SNX13: variants seen among roughly 807,000 people sequenced by gnomAD.
SNX13 encodes the protein sorting nexin-13.
Under a neutral mutation model 133.6 loss-of-function variants are expected in SNX13, and 45 were observed. That is an observed-to-expected ratio of 0.34 (90% CI 0.27 to 0.43). The LOEUF (loss-of-function observed/expected upper bound fraction) is 0.43, where lower values mean the gene tolerates loss of function less well. Among genes scored for constraint, SNX13 ranks in the 20% least tolerant of loss-of-function variants. The probability of loss-of-function intolerance (pLI) is 1.00; values close to 1 mark genes in which losing one functional copy is unlikely to be tolerated. For synonymous variants in SNX13, 414 were observed against 373.9 expected (o/e 1.11, Z -1.24); for missense variants, 1,032 against 1,145.1 (o/e 0.90, Z 1.43).
chr7:17,858,152 A>T lies in SNX13; in HGVS notation c.838-7188T>A, dbSNP rs1159079905. Among the ~76,000 whole-genome samples, 3 of 152,198 alleles carry T rather than the reference A, an allele frequency of 2.0e-5. No individual in the cohort carries two copies. The South Asian group carries it at 6.2e-4, about 31-fold the overall frequency. On this transcript the variant is annotated intron_variant, in intron 9 of 25. Transcript: ENST00000428135. The stretch of plus-strand genomic sequence containing the variant: ...ATGCCTACTCCTACAAATTTTATTC[A>T]GCCTAGTACTAGAAGTCCTACCCAG...
chr7:17,935,847 T>A (rs1583855602), intron 1 of SNX13, among the ~76,000 whole-genome samples: 1 of 152,228 alleles, frequency 6.6e-6, no homozygotes, highest in Admixed American at 6.5e-5. Flanking sequence ...GTGTCATTAA[T>A]AATTGAAGAA....
chr7:17,854,167 G>T (rs1321235120), intron 9 of SNX13, among the ~76,000 whole-genome samples: 2 of 152,058 alleles, frequency 1.3e-5, no homozygotes, highest in East Asian at 3.9e-4. Context: ...AATTTGCATA[G>T]CACTGTGGAG....
chr7:17,849,775 GC>G, intron 11 of SNX13, among the ~76,000 whole-genome samples: 1 of 152,152 alleles, frequency 6.6e-6, no homozygotes, highest in Non-Finnish European at 1.5e-5. Flanking sequence ...TACTTCAAAG[GC>G]AAACAAAAAT....
intron 5 of SNX13, chr7:17,882,754 T>C (rs926874139): frequency 8.8e-6 from 10 of 1,135,600 alleles, no homozygotes; most frequent in Non-Finnish European, 1.1e-5. Context: ...TCTTACTATT[T>C]TAGAACTGAA....
At chr7:17,904,206 A>G (rs1358636842) in intron 1 of SNX13, among the ~76,000 whole-genome samples, 2 of 152,240 alleles carry the variant, frequency 1.3e-5, no homozygotes, top group Admixed American at 1.3e-4. Context: ...AAAATACTTA[A>G]GAGTCAGAAA....
At chr7:17,833,246 T>C (rs1481774422) in intron 15 of SNX13, among the ~76,000 whole-genome samples, 1 of 151,666 alleles carries the variant, frequency 6.6e-6, no homozygotes, top group Non-Finnish European at 1.5e-5. Context: ...CTAAAGGCTA[T>C]CCCTCCCACT....
chr7:17,859,516 T>A (rs1792358722), intron 9 of SNX13, among the ~76,000 whole-genome samples: 1 of 152,188 alleles, frequency 6.6e-6, no homozygotes, highest in Non-Finnish European at 1.5e-5. Flanking sequence ...GTTCATTTCA[T>A]TCTTTTTTCT....
intron 24 of SNX13, among the ~76,000 whole-genome samples, chr7:17,798,289 A>G (rs71524224): frequency 1.5e-4 from 23 of 151,896 alleles, no homozygotes; most frequent in Non-Finnish European, 2.9e-4. Context: ...AAAAATTACA[A>G]CATAGCCAGA....
At chr7:17,914,077 A>C (rs1799292406) in intron 1 of SNX13, among the ~76,000 whole-genome samples, 2 of 151,884 alleles carry the variant, frequency 1.3e-5, no homozygotes, top group South Asian at 4.2e-4. Context: ...GGAATTGAAA[A>C]ATTTCAAAAT....
In SNX13 at chr7:17,828,280, A is replaced by T. The variant is rs925931857; in HGVS notation, c.1635+1730T>A. 7.9e-5 allele frequency among the ~76,000 whole-genome samples: 12 copies of T among 151,940 alleles called. No individual in the cohort carries two copies. The East Asian group carries it at 1.7e-3, about 22-fold the overall frequency. On this transcript the variant is annotated intron_variant, in intron 16 of 25. Transcript: ENST00000428135. ...ACATTTGATTTAGGAATATATTAAAAGACAATTGTGATTTCAAAACAAGTA... is the reference window on the plus strand; with the variant it reads ...ACATTTGATTTAGGAATATATTAAATGACAATTGTGATTTCAAAACAAGTA...
At chr7:17,828,895 C>T (rs558370962) in intron 16 of SNX13, among the ~76,000 whole-genome samples, 1 of 151,696 alleles carries the variant, frequency 6.6e-6, no homozygotes, top group African/African-American at 2.4e-5. Flanking sequence ...GGTTTCATCA[C>T]ATTTGGAAAC....
intron 16 of SNX13, among the ~76,000 whole-genome samples, chr7:17,827,593 A>G (rs1424930853): frequency 6.6e-6 from 1 of 151,974 alleles, no homozygotes; most frequent in Non-Finnish European, 1.5e-5. Flanking sequence ...TTCCCTGGTC[A>G]ACTCAAATGG....
At chr7:17,896,725 A>G (rs1008881293) in intron 2 of SNX13, among the ~76,000 whole-genome samples, 2 of 152,138 alleles carry the variant, frequency 1.3e-5, no homozygotes, top group East Asian at 1.9e-4. Flanking sequence ...ATATTTTCTA[A>G]TATTTCCTTG....
chr7:17,837,832 ACAT>A (rs1232884358), intron 13 of SNX13, among the ~76,000 whole-genome samples: 2 of 151,788 alleles, frequency 1.3e-5, no homozygotes, highest in Non-Finnish European at 2.9e-5. Flanking sequence ...TTCTGGTGAC[ACAT>A]TTTTTTTTTT....
chr7:17,794,108 C>T lies in SNX13; in HGVS notation c.2811G>A (p.Lys937=). The change falls in exon 26 of 26, where the codon AAG becomes AAA. Residue 937 remains lysine, a synonymous_variant. Transcript: ENST00000428135. ...ELFNKLHSRS[K]QMQKYKQKLQ... ...GTTTCTGTTTATATTTCTGCATCTG[C>T]TTTGACCGTGAATGCAGTTTGTTGA... The T allele has an allele frequency of 6.2e-7, 1 of 1,611,696 alleles. No individual in the cohort carries two copies. Among genetic ancestry groups the T allele is most frequent in the East Asian group, 2.2e-5 (1 of 44,816 alleles).
chr7:17,907,991 T>C (rs893894372), intron 1 of SNX13, among the ~76,000 whole-genome samples: 8 of 152,188 alleles, frequency 5.3e-5, no homozygotes, highest in African/African-American at 1.7e-4. Flanking sequence ...TTCAGAAACT[T>C]ATATTCAACT....
At chr7:17,912,608 C>T (rs1477306407) in intron 1 of SNX13, among the ~76,000 whole-genome samples, 1 of 151,984 alleles carries the variant, frequency 6.6e-6, no homozygotes, top group African/African-American at 2.4e-5. Context: ...ACGGGGTTTA[C>T]ACCATGTTGG....
chr7:17,928,108 G>A lies in SNX13; in HGVS notation c.12+12176C>T, dbSNP rs1395060602. The stretch of plus-strand genomic sequence containing the variant: ...AAAGCAACACAATCCTACCACAGCA[G>A]AGAAAGCTAGATCCTCAATGCATGG... On this transcript the variant is annotated intron_variant, in intron 1 of 25. Transcript: ENST00000428135. Among the ~76,000 whole-genome samples the A allele has an allele frequency of 2.0e-5, 3 of 152,200 alleles. No homozygotes were observed. The East Asian group carries it at 5.8e-4, about 29-fold the overall frequency.
chr7:17,813,080 C>T (rs1786236686), intron 20 of SNX13, among the ~76,000 whole-genome samples: 1 of 151,838 alleles, frequency 6.6e-6, no homozygotes, highest in Non-Finnish European at 1.5e-5. Context: ...CAAACCTGCA[C>T]ATTCTGCACA....
Sources: allele counts gnomAD v4.1 joint callset (sites outside exome capture counted in the v4.1 genomes callset), GRCh38; gene constraint gnomAD v4.1.1; transcripts MANE v1.5; gene names NCBI Gene and HGNC (gene_info 2026-07-23, HGNC 2026-07-21).